The following ABRAXAS2 variants were observed in gnomAD, a reference collection of about 807,000 sequenced individuals.
ABRAXAS2 encodes the protein BRISC complex subunit Abraxas 2.
A neutral mutation model predicts 49.0 loss-of-function variants in ABRAXAS2; 23 were observed. That is an observed-to-expected ratio of 0.47 (90% confidence interval 0.34 to 0.66). The LOEUF is 0.66. Among genes scored for constraint, ABRAXAS2 ranks in the 30% least tolerant of loss-of-function variants. The pLI, the probability that ABRAXAS2 is intolerant of heterozygous loss-of-function variation, is 0.01. For missense variants in ABRAXAS2, 443 were observed against 511.9 expected, an observed-to-expected ratio of 0.87 and a Z score of 1.30; for synonymous variants, 168 against 180.2, an observed-to-expected ratio of 0.93 and a Z score of 0.54.
chr10:124,814,095 G>A (rs186108541), intron 2 of ABRAXAS2, among the ~76,000 whole-genome samples: 14 of 152,060 alleles, frequency 9.2e-5, no homozygotes, highest in Admixed American at 2.0e-4. Context: ...AGTTTCAAGC[G>A]GTTCTCCTGC....
chr10:124,827,921 G>C (rs2134171130), intron 5 of ABRAXAS2, among the ~76,000 whole-genome samples: 1 of 152,326 alleles, frequency 6.6e-6, no homozygotes, highest in African/African-American at 2.4e-5. Context: ...TATGTAATCT[G>C]TGGGTATCTC....
chr10:124,805,468 C>T (rs934720132), intron 1 of ABRAXAS2, among the ~76,000 whole-genome samples: 60 of 152,110 alleles, frequency 3.9e-4, no homozygotes, highest in African/African-American at 1.4e-3. Flanking sequence ...AAGGATATAT[C>T]GTACAAGGGC....
chr10:124,822,621 T>C (rs1046117220), intron 4 of ABRAXAS2, among the ~76,000 whole-genome samples: 1 of 152,066 alleles, frequency 6.6e-6, no homozygotes, highest in African/African-American at 2.4e-5. Context: ...GGCAAAACCC[T>C]GTCTCTACAA....
At chr10:124,824,595 A>G (rs954384406) in intron 4 of ABRAXAS2, among the ~76,000 whole-genome samples, 1 of 152,144 alleles carries the variant, frequency 6.6e-6, no homozygotes, top group African/African-American at 2.4e-5. Context: ...AATAGTTCGA[A>G]TTGGCATAAC....
rs1950827241 is a variant in ABRAXAS2 at position 124,816,703 on chromosome 10, A to G, written c.200+91A>G. 8 of 902,570 alleles carry G rather than the reference A, an allele frequency of 8.9e-6. No individual in the cohort carries two copies. In the South Asian group the frequency reaches 9.6e-5, roughly 11 times the overall value. The allele number at this position is 902,570 out of a possible 1,614,324, so 55.9% of individuals were successfully genotyped here. A position where few individuals can be genotyped will look rare whatever the true frequency, so the allele number is the denominator to read the frequency against. ...TTGGCCTGTAGCTGATTGTGGCTGTAAAGTCATGAGGGTACCCAAATCCAT... is the reference window on the plus strand; with the variant it reads ...TTGGCCTGTAGCTGATTGTGGCTGTGAAGTCATGAGGGTACCCAAATCCAT... On this transcript the variant is annotated intron_variant, in intron 3 of 8. Transcript: ENST00000298492.
At chr10:124,827,461 C>T (rs1253358649) in intron 5 of ABRAXAS2, among the ~76,000 whole-genome samples, 5 of 151,986 alleles carry the variant, frequency 3.3e-5, no homozygotes, top group African/African-American at 1.2e-4. Context: ...TGTATTATTC[C>T]CTTTAGCTCT....
At chr10:124,808,392 G>A (rs1335550074) in intron 2 of ABRAXAS2, among the ~76,000 whole-genome samples, 2 of 152,040 alleles carry the variant, frequency 1.3e-5, no homozygotes, top group East Asian at 3.9e-4. Context: ...TAGCCAGGAC[G>A]GTCTTGATCT....
chr10:124,828,684 T>G (rs1950912200), intron 5 of ABRAXAS2, 72 bp from the exon 6 acceptor site: 2 of 1,459,868 alleles, frequency 1.4e-6, no homozygotes, highest in African/African-American at 2.8e-5. Context: ...CTTTTTTTTT[T>G]TAGACTGTCA....
At chr10:124,824,999 A>G (rs557545260) in intron 4 of ABRAXAS2, among the ~76,000 whole-genome samples, 2 of 152,226 alleles carry the variant, frequency 1.3e-5, no homozygotes, top group Admixed American at 1.3e-4. Context: ...GAGCTCTGTA[A>G]CTTCGGACAA....
chr10:124,807,235 C>T (rs1378378147), intron 2 of ABRAXAS2, among the ~76,000 whole-genome samples: 1 of 145,952 alleles, frequency 6.9e-6, no homozygotes, highest in Non-Finnish European at 1.5e-5. Context: ...ATGGCATGAA[C>T]CTGGGAGGCG....
chr10:124,834,779 T>C lies in ABRAXAS2; in HGVS notation c.1056T>C (p.Pro352=), dbSNP rs376591900. 17 of 1,614,144 alleles carry C rather than the reference T, an allele frequency of 1.1e-5. No individual in the cohort carries two copies. The highest frequency in any genetic ancestry group is 1.1e-5 in the Non-Finnish European group (13 of 1,180,026). Residue 352 remains proline, a synonymous_variant, in exon 9 of 9, where the codon CCT becomes CCC. Coordinates refer to ENST00000298492, the MANE Select transcript of ABRAXAS2 (RefSeq NM_032182.4). ...CCACCAGTGCCGGACTGAAGTATCC[T>C]GGAAGTGGGGCTGACCTTCCTCCTC... The part of the protein sequence containing the change: ...YASTSAGLKY[P]GSGADLPPPQ...
chr10:124,805,291 G>T (rs1053092652), intron 1 of ABRAXAS2, among the ~76,000 whole-genome samples: 2 of 148,562 alleles, frequency 1.3e-5, no homozygotes, highest in African/African-American at 2.5e-5. Context: ...CCGAGATTGC[G>T]CCACTGCAGT....
At chr10:124,814,640 CTTTA>C (rs568229521) in intron 2 of ABRAXAS2, among the ~76,000 whole-genome samples, 3 of 149,118 alleles carry the variant, frequency 2.0e-5, no homozygotes, top group Non-Finnish European at 3.0e-5. Context: ...TGCACCTGGC[CTTTA>C]TTTATTTATT....
intron 1 of ABRAXAS2, among the ~76,000 whole-genome samples, chr10:124,805,920 G>A (rs1236590468): frequency 2.0e-5 from 3 of 152,168 alleles, no homozygotes; most frequent in Middle Eastern, 3.2e-3. Flanking sequence ...CATGGCGCAA[G>A]TACACAAAGA....
intron 7 of ABRAXAS2, among the ~76,000 whole-genome samples, chr10:124,830,687 A>G (rs1950927419): frequency 6.6e-6 from 1 of 152,224 alleles, no homozygotes; most frequent in African/African-American, 2.4e-5. Context: ...CTGCTATGGA[A>G]GGAACTTGCA....
intron 1 of ABRAXAS2, among the ~76,000 whole-genome samples, chr10:124,804,787 C>T (rs1398782418): frequency 2.0e-5 from 3 of 146,800 alleles, no homozygotes; most frequent in East Asian, 2.0e-4. Flanking sequence ...AATCTTGGCT[C>T]ACTGCAACCT....
intron 2 of ABRAXAS2, among the ~76,000 whole-genome samples, chr10:124,812,712 C>CA (rs1236547452): frequency 6.6e-6 from 1 of 152,022 alleles, no homozygotes; most frequent in Non-Finnish European, 1.5e-5. Flanking sequence ...GTTGAAAAGT[C>CA]AAACATTAGG....
intron 4 of ABRAXAS2, 78 bp downstream of exon 4, chr10:124,819,528 A>AATGGAAAACCATTTTAC: frequency 7.8e-7 from 1 of 1,285,850 alleles, no homozygotes; most frequent in Non-Finnish European, 1.1e-6. Context: ...CAGGAATGTA[A>AATGGAAAACCATTTTAC]AATGGAACAA....
rs888030559 is a variant in ABRAXAS2, at chr10:124,828,751, C to T, written c.459-5C>T. The T allele has an allele frequency of 1.2e-6, 2 of 1,611,114 alleles. No homozygotes were observed. Among genetic ancestry groups the T allele is most frequent in the Admixed American group, 1.7e-5 (1 of 59,626 alleles). On this transcript the variant is annotated splice_region_variant and splice_polypyrimidine_tract_variant and intron_variant, in intron 5 of 8. Transcript: ENST00000298492. Reference sequence around the variant, plus strand: ...TAACATGATCTCTCTGAATTTTTCCCATAGGTATAATCAGAGGATATCACT... The same window carrying T: ...TAACATGATCTCTCTGAATTTTTCCTATAGGTATAATCAGAGGATATCACT...
Sources: allele counts gnomAD v4.1 joint callset (sites outside exome capture counted in the v4.1 genomes callset), GRCh38; gene constraint gnomAD v4.1.1; transcripts MANE v1.5; gene names NCBI Gene and HGNC (gene_info 2026-07-23, HGNC 2026-07-21).